The following IL1RL1 variants were observed in gnomAD, a reference collection of about 807,000 sequenced individuals.
IL1RL1 encodes the protein interleukin 1 receptor like 1.
Under a neutral mutation model 50.9 loss-of-function variants are expected in IL1RL1, and 32 were observed. That is an observed-to-expected ratio of 0.63 (90% confidence interval 0.47 to 0.84). The LOEUF is 0.84. IL1RL1 is among the 40% of genes least tolerant of loss of function. The pLI is 0.00. For missense variants in IL1RL1, 773 were observed against 662.9 expected, an observed-to-expected ratio of 1.17 and a Z score of -1.82; for synonymous variants, 275 against 236.0, an observed-to-expected ratio of 1.17 and a Z score of -1.51.
chr2:102,325,049 C>A (rs1368512839), intron 1 of IL1RL1, among the ~76,000 whole-genome samples: 2 of 152,166 alleles, frequency 1.3e-5, no homozygotes, highest in Non-Finnish European at 2.9e-5. Flanking sequence ...GGACAGACTG[C>A]CTCCTCAAGT....
chr2:102,312,268 A>G (rs1018236877), intron 1 of IL1RL1, among the ~76,000 whole-genome samples: 19 of 147,616 alleles, frequency 1.3e-4, no homozygotes, highest in African/African-American at 4.7e-4. Flanking sequence ...AGGGCCTATA[A>G]TATAATATAT....
chr2:102,319,508 G>A (rs917849754), intron 1 of IL1RL1, among the ~76,000 whole-genome samples: 1 of 152,118 alleles, frequency 6.6e-6, no homozygotes, highest in Admixed American at 6.5e-5. Context: ...GGGATAAAAT[G>A]TACATGTAGG....
Position 102,348,059 on chromosome 2 carries a change from G to A in IL1RL1, c.1085G>A (p.Arg362Lys), listed in dbSNP as rs1351668069. Residue 362 changes from arginine (R) to lysine (K), a missense_variant, in exon 9 of 11, where the codon AGA becomes AAA. Transcript: ENST00000233954. ...TGGATTGAGGCCACTCTGCTCTGGA[G>A]AGACATAGCTAAACCTTACAAGACT... ...MFWIEATLLWRDIAKPYKTRN... is the reference protein window; with the variant it reads ...MFWIEATLLWKDIAKPYKTRN... The A allele has an allele frequency of 6.2e-7, 1 of 1,613,392 alleles. No individual in the cohort carries two copies. The highest frequency in any genetic ancestry group is 1.1e-5 in the South Asian group (1 of 91,056).
intron 1 of IL1RL1, among the ~76,000 whole-genome samples, chr2:102,316,722 T>A (rs1390043910): frequency 6.6e-6 from 1 of 152,208 alleles, no homozygotes; most frequent in Non-Finnish European, 1.5e-5. Flanking sequence ...TTCCCTTCTG[T>A]TACATGATAT....
At chr2:102,347,439 C>T (rs1305072613) in intron 8 of IL1RL1, among the ~76,000 whole-genome samples, 1 of 152,196 alleles carries the variant, frequency 6.6e-6, no homozygotes, top group Non-Finnish European at 1.5e-5. Context: ...TGGCCCTGAC[C>T]AAACTTTCTA....
chr2:102,326,579 C>T (rs139792780), intron 1 of IL1RL1, among the ~76,000 whole-genome samples: 4,220 of 152,134 alleles, frequency 0.028, 174 homozygotes, highest in African/African-American at 0.096. Context: ...AGAGTCAAGA[C>T]CCATCAGTGT....
chr2:102,343,724 T>TG, intron 8 of IL1RL1: 1 of 1,278,172 alleles, frequency 7.8e-7, no homozygotes. Flanking sequence ...TGTCACTGTA[T>TG]GTGAAAGGAA....
intron 3 of IL1RL1, 157 bp downstream of exon 3, chr2:102,339,204 A>G (rs1677449692): frequency 1.6e-6 from 1 of 608,486 alleles, no homozygotes; most frequent in Non-Finnish European, 2.9e-6. Context: ...ATAAACTTCT[A>G]GGAATACTAT....
In IL1RL1 at chr2:102,351,699, G is replaced by T. The variant is rs151022743; in HGVS notation, c.1449G>T (p.Glu483Asp). Residue 483 changes from glutamate (E) to aspartate (D), a missense_variant, in exon 11 of 11, where the codon GAG (glutamate) becomes GAT (aspartate). Transcript: ENST00000233954. ...NDAKVILIEM[E>D]ALSELDMLQA... ...CCAAGGTGATACTTATTGAGATGGA[G>T]GCTCTGAGCGAGCTGGACATGCTGC... 1 of 1,614,122 alleles carries T rather than the reference G, an allele frequency of 6.2e-7. No homozygotes were observed. The highest frequency in any genetic ancestry group is 2.2e-5 in the East Asian group (1 of 44,880).
chr2:102,342,264 G>A lies in IL1RL1; in HGVS notation c.652G>A (p.Ala218Thr), dbSNP rs373122141. ...FSLFPVIGAP[A>T]QNEIKEVEIG... is the part of the protein sequence containing the mutation. ...TCTGTTTCCAGTAATCGGAGCCCCT[G>A]CACAAAATGAAATAAAGGAAGTGGA... Residue 218 changes from alanine to threonine, a missense_variant, in exon 6 of 11, where the codon GCA (alanine) becomes ACA (threonine). Ala to Thr is a moderately conservative substitution (Grantham distance 58). Coordinates refer to ENST00000233954, the MANE Select transcript of IL1RL1 (RefSeq NM_016232.5). The A allele has an allele frequency of 6.2e-7, 1 of 1,611,558 alleles. No homozygotes were observed. Among genetic ancestry groups the A allele is most frequent in the African/African-American group, 1.3e-5 (1 of 74,940 alleles).
intron 8 of IL1RL1, chr2:102,344,852 G>C: frequency 1.0e-6 from 1 of 962,676 alleles, no homozygotes. Flanking sequence ...CATTTGGAAA[G>C]TCAAATTGTT....
chr2:102,345,526 T>C (rs1677752790), intron 8 of IL1RL1: 3 of 985,418 alleles, frequency 3.0e-6, no homozygotes, highest in South Asian at 9.4e-5. Flanking sequence ...TGTGGTATGG[T>C]TAGGATTCAT....
intron 8 of IL1RL1, among the ~76,000 whole-genome samples, chr2:102,346,393 C>T (rs1290596102): frequency 3.3e-5 from 5 of 152,192 alleles, no homozygotes; most frequent in Admixed American, 3.3e-4. Flanking sequence ...TCAAACACAG[C>T]CAGCATTTTC....
intron 9 of IL1RL1, 37 bp from the exon 10 acceptor site, chr2:102,349,042 T>A (rs985004145): frequency 3.2e-6 from 5 of 1,547,678 alleles, no homozygotes; most frequent in Non-Finnish European, 4.5e-6. Context: ...ATTTTTAGAA[T>A]CAAGTAAGAA....
chr2:102,347,103 ACT>A (rs1677805925), intron 8 of IL1RL1, among the ~76,000 whole-genome samples: 1 of 152,086 alleles, frequency 6.6e-6, no homozygotes, highest in African/African-American at 2.4e-5. Flanking sequence ...CACTTAGGTG[ACT>A]CTTGCTTCTT....
Position 102,343,384 on chromosome 2 carries a change from G to A in IL1RL1, c.939G>A (p.Arg313=). 6.2e-7 allele frequency: 1 copy of A among 1,614,200 alleles called. No homozygotes were observed. The highest frequency in any genetic ancestry group is 1.1e-5 in the South Asian group (1 of 91,086). The change falls in exon 8 of 11, where the codon AGG becomes AGA. Residue 313 remains arginine, a synonymous_variant. Coordinates refer to ENST00000233954, the MANE Select transcript of IL1RL1 (RefSeq NM_016232.5). ...CCCTGAATTTGCATGGCTTGAGAAG[G>A]CACACCGTAAGACTAAGTAGGAAAA... ...CLALNLHGLR[R]HTVRLSRKNP...
intron 1 of IL1RL1, among the ~76,000 whole-genome samples, chr2:102,316,165 A>G (rs575471349): frequency 6.6e-6 from 1 of 152,340 alleles, no homozygotes; most frequent in East Asian, 1.9e-4. Flanking sequence ...TGTCTTTGGC[A>G]TGTCTCTGCA....
chr2:102,331,463 A>C (rs1199366325), intron 1 of IL1RL1, among the ~76,000 whole-genome samples: 1 of 152,172 alleles, frequency 6.6e-6, no homozygotes, highest in Non-Finnish European at 1.5e-5. Context: ...ACATGTGCAA[A>C]CTGTTAAGAC....
chr2:102,312,353 A>G (rs1417208340), intron 1 of IL1RL1, among the ~76,000 whole-genome samples: 3 of 151,290 alleles, frequency 2.0e-5, no homozygotes, highest in Admixed American at 6.6e-5. Context: ...TAGTATTACC[A>G]ATGGGAAAAT....
Sources: allele counts gnomAD v4.1 joint callset (sites outside exome capture counted in the v4.1 genomes callset), GRCh38; gene constraint gnomAD v4.1.1; transcripts MANE v1.5; gene names NCBI Gene and HGNC (gene_info 2026-07-23, HGNC 2026-07-21).